The following AP5Z1 variants were observed in gnomAD, a reference collection of about 807,000 sequenced individuals.
AP5Z1 encodes the protein adaptor related protein complex 5 subunit zeta 1, also known as AP-5 complex subunit zeta-1.
AP5Z1 carries 106 observed loss-of-function variants against 83.0 expected under a neutral mutation model. That is an observed-to-expected ratio of 1.28 (90% confidence interval 1.09 to 1.50). The LOEUF (loss-of-function observed/expected upper bound fraction) is 1.50, where lower values mean the gene tolerates loss of function less well. AP5Z1 is among the 40% of genes most tolerant of loss of function. The pLI is 0.00. For synonymous variants in AP5Z1, 751 were observed against 514.1 expected (o/e 1.46, Z -6.23); for missense variants, 1,565 against 1,094.2 (o/e 1.43, Z -6.07).
At position 4,789,896 on chromosome 7, in the gene AP5Z1, A is replaced by G. The variant is rs747261565; in HGVS notation, c.1772A>G (p.Tyr591Cys). 1.7e-5 allele frequency: 26 copies of G among 1,550,258 alleles called. No homozygotes were observed. The South Asian group carries it at 2.9e-4, about 17-fold the overall frequency. ...CTCCTGGGCAGGAGCGACTCGCTCTACCCGGCCCCAGGGTACGCTGCCGGT... is the reference window on the plus strand; with the variant it reads ...CTCCTGGGCAGGAGCGACTCGCTCTGCCCGGCCCCAGGGTACGCTGCCGGT... ...LLLLGRSDSL[Y>C]PAPGYAAGVH... The change falls in exon 14 of 17, where the codon TAC becomes TGC. Residue 591 changes from tyrosine to cysteine, a missense_variant. Physicochemically the swap from Tyr to Cys is radical, Grantham distance 194 (BLOSUM62 -2). Transcript: ENST00000649063.
intron 13 of AP5Z1, 107 bp downstream of exon 13, chr7:4,789,058 G>C: frequency 3.2e-6 from 3 of 951,884 alleles, no homozygotes; most frequent in Admixed American, 4.6e-5. Flanking sequence ...GGCTGCTCCC[G>C]CCACACCCAC....
rs775400806 is a variant in AP5Z1, at chr7:4,791,502, C to T, written c.*117C>T. The T allele has an allele frequency of 7.1e-6, 10 of 1,418,072 alleles. No individual in the cohort carries two copies. Among genetic ancestry groups the T allele is most frequent in the Non-Finnish European group, 9.4e-6 (10 of 1,063,732 alleles). The allele number at this position is 1,418,072 out of a possible 1,614,324, so 87.8% of individuals were successfully genotyped here. ...GGGAGTCCTGGGAGAGGAGGCAAGG[C>T]CCACGGTGGGCTTGGCACCCTCACA... On this transcript the variant is annotated 3_prime_UTR_variant, in exon 17 of 17. Coordinates refer to ENST00000649063, the MANE Select transcript of AP5Z1 (RefSeq NM_014855.3).
chr7:4,785,788 T>C, intron 9 of AP5Z1, 104 bp downstream of exon 9: 1 of 1,327,576 alleles, frequency 7.5e-7, no homozygotes, highest in Non-Finnish European at 9.8e-7. Flanking sequence ...TTTGATTGAA[T>C]AGAGACAGGG....
chr7:4,785,645 C>A lies in AP5Z1; in HGVS notation c.1093C>A (p.Arg365=), dbSNP rs754300113. Residue 365 remains arginine (R), a synonymous_variant, in exon 9 of 17, where the codon CGG becomes AGG. Coordinates refer to ENST00000649063, the MANE Select transcript of AP5Z1 (RefSeq NM_014855.3). ...GGTGCGCGGGGACCCGGCCTCTGTGCGGGTGCTGCTGCCCCTCGCCCACTT... is the reference window on the plus strand; with the variant it reads ...GGTGCGCGGGGACCCGGCCTCTGTGAGGGTGCTGCTGCCCCTCGCCCACTT... ...GRVRGDPASV[R]VLLPLAHFFL... is the part of the protein sequence containing the mutation. The A allele has an allele frequency of 6.4e-7, 1 of 1,559,852 alleles. No individual in the cohort carries two copies. The highest frequency in any genetic ancestry group is 8.7e-7 in the Non-Finnish European group (1 of 1,155,556).
chr7:4,791,453 G>A lies in AP5Z1; in HGVS notation c.*68G>A, dbSNP rs73305393. 3.5e-3 allele frequency: 5,351 copies of A among 1,509,058 alleles called. 166 individuals are homozygous for A. The African/African-American group carries it at 0.065, about 18-fold the overall frequency. The allele number at this position is 1,509,058 out of a possible 1,614,324, so 93.5% of individuals were successfully genotyped here. On this transcript the variant is annotated 3_prime_UTR_variant, in exon 17 of 17. Transcript: ENST00000649063. ...GCAGCCAGCTTGCTACTGAGGCCAG[G>A]CTGATAGGAGCTCAGGAGGGCGCGG...
intron 1 of AP5Z1, 137 bp from the exon 2 acceptor site, chr7:4,781,038 T>G: frequency 1.5e-4 from 174 of 1,131,248 alleles, no homozygotes; most frequent in Non-Finnish European, 2.0e-4. Flanking sequence ...TCGAGAGCCA[T>G]GAGCCGTGGA....
intron 1 of AP5Z1, among the ~76,000 whole-genome samples, chr7:4,779,118 A>C (rs1186864711): frequency 6.9e-6 from 1 of 144,494 alleles, no homozygotes; most frequent in Admixed American, 7.2e-5. Context: ...TACATTTTTG[A>C]GATAGAGCAT....
In AP5Z1 at chr7:4,792,283, C is replaced by G. The variant is rs1436130548; in HGVS notation, c.*898C>G. Reference sequence around the variant, plus strand: ...GCGCCGCCGCCCCGAGAGCCTCACGCCCCGCCCCCAGGCTCAAACTCTTCC... The same window carrying G: ...GCGCCGCCGCCCCGAGAGCCTCACGGCCCGCCCCCAGGCTCAAACTCTTCC... On this transcript the variant is annotated 3_prime_UTR_variant, in exon 17 of 17. Coordinates refer to ENST00000649063, the MANE Select transcript of AP5Z1 (RefSeq NM_014855.3). 1.3e-5 allele frequency: 2 copies of G among 152,032 alleles called. No individual in the cohort carries two copies. The highest frequency in any genetic ancestry group is 2.9e-5 in the Non-Finnish European group (2 of 68,078). The allele number at this position is 152,032 out of a possible 1,614,324, so 9.4% of individuals were successfully genotyped here.
rs752437869 is a variant in AP5Z1 at position 4,791,365 on chromosome 7, G to A, written c.2404G>A (p.Ala802Thr). ...RTVSRLVERE[A>T]GLMPG is the part of the protein sequence containing the mutation. Reference sequence around the variant, plus strand: ...GGTCAGCCGGCTGGTGGAGAGGGAGGCCGGCCTCATGCCAGGGTGAAGGGA... The same window carrying A: ...GGTCAGCCGGCTGGTGGAGAGGGAGACCGGCCTCATGCCAGGGTGAAGGGA... Residue 802 changes from alanine (A) to threonine (T), a missense_variant, in exon 17 of 17, where the codon GCC becomes ACC. Transcript: ENST00000649063. 2.5e-6 allele frequency: 4 copies of A among 1,607,248 alleles called. No individual in the cohort carries two copies. The highest frequency in any genetic ancestry group is 3.4e-6 in the Non-Finnish European group (4 of 1,177,416).
In AP5Z1 at chr7:4,789,877, G is replaced by C. The variant is rs1321096569; in HGVS notation, c.1753G>C (p.Gly585Arg). ...CAACCAGCTGGCGCTGCTGCTCCTGGGCAGGAGCGACTCGCTCTACCCGGC... is the reference window on the plus strand; with the variant it reads ...CAACCAGCTGGCGCTGCTGCTCCTGCGCAGGAGCGACTCGCTCTACCCGGC... ...LINQLALLLL[G>R]RSDSLYPAPG... Residue 585 changes from glycine (G) to arginine (R), a missense_variant, in exon 14 of 17, where the codon GGC becomes CGC. Gly to Arg is a moderately radical substitution (Grantham distance 125). Coordinates refer to ENST00000649063, the MANE Select transcript of AP5Z1 (RefSeq NM_014855.3). 1 of 1,552,886 alleles carries C rather than the reference G, an allele frequency of 6.4e-7. No homozygotes were observed. Among genetic ancestry groups the C allele is most frequent in the Non-Finnish European group, 8.7e-7 (1 of 1,148,474 alleles).
In AP5Z1 at chr7:4,791,093, CGGAG is replaced by C. The variant is rs1781753889; in HGVS notation, c.2154-18_2154-15del. 7 of 1,552,546 alleles carry C rather than the reference CGGAG, an allele frequency of 4.5e-6. No individual in the cohort carries two copies. Among genetic ancestry groups the C allele is most frequent in the Admixed American group, 1.8e-5 (1 of 54,768 alleles). Reference sequence around the variant, plus strand: ...CTGGGAGGGGAGCATCTGCAGCTGACGGAGGGACCTTCTTTCCCCAGGGCCTCTT... The same window carrying C: ...CTGGGAGGGGAGCATCTGCAGCTGACGGACCTTCTTTCCCCAGGGCCTCTT... On this transcript the variant is annotated intron_variant, in intron 16 of 16. Transcript: ENST00000649063.
rs1442980654 is a variant in AP5Z1 at position 4,792,007 on chromosome 7, A to AG, written c.*626dup. 4 of 152,328 alleles carry AG rather than the reference A, an allele frequency of 2.6e-5. No homozygotes were observed. The highest frequency in any genetic ancestry group is 9.7e-5 in the African/African-American group (4 of 41,408). 9.4% of individuals were successfully genotyped at this position (152,328 alleles called of 1,614,324 possible). On this transcript the variant is annotated 3_prime_UTR_variant, in exon 17 of 17. Coordinates refer to ENST00000649063, the MANE Select transcript of AP5Z1 (RefSeq NM_014855.3). The stretch of plus-strand genomic sequence containing the variant: ...ATGCCCTTGAATAGCCTGAAGATGA[A>AG]GGGGACCGGGGGAGGGTTGCAAGCG...
Position 4,788,156 on chromosome 7 carries a change from CAG to C in AP5Z1, c.1458_1459del (p.Ala487ThrfsTer44). 1 of 1,549,552 alleles carries C rather than the reference CAG, an allele frequency of 6.5e-7. No individual in the cohort carries two copies. Among genetic ancestry groups the C allele is most frequent in the Non-Finnish European group, 8.7e-7 (1 of 1,147,190 alleles). ...GCCTTGGGCGTCTGTCCACGCAGGT[CAG>C]CACCGGCTGCATCCGAGAGGCCACT... On this transcript the variant is annotated frameshift_variant, in exon 12 of 17. Transcript: ENST00000649063. LOFTEE classifies it high-confidence loss of function.
Position 4,781,055 on chromosome 7 carries a change from T to A in AP5Z1, c.42-120T>A, listed in dbSNP as rs1781366930. On this transcript the variant is annotated intron_variant, in intron 1 of 16. Transcript: ENST00000649063. ...GAGAGCCATGAGCCGTGGAACCGTG[T>A]TCCTCCACACACTCGGCTTCTCTTT... 2.3e-6 allele frequency: 3 copies of A among 1,310,336 alleles called. No individual in the cohort carries two copies. In the South Asian group the frequency reaches 4.5e-5, roughly 20 times the overall value. The allele number at this position is 1,310,336 out of a possible 1,614,324, so 81.2% of individuals were successfully genotyped here.
chr7:4,792,639 AC>A lies in AP5Z1; in HGVS notation c.*1255del, dbSNP rs1781821221. 6.6e-6 allele frequency: 1 copy of A among 152,142 alleles called. No individual in the cohort carries two copies. The highest frequency in any genetic ancestry group is 1.5e-5 in the Non-Finnish European group (1 of 68,024). 9.4% of individuals were successfully genotyped at this position (152,142 alleles called of 1,614,324 possible). A position where few individuals can be genotyped will look rare whatever the true frequency, so the allele number is the denominator to read the frequency against. On this transcript the variant is annotated 3_prime_UTR_variant, in exon 17 of 17. Transcript: ENST00000649063. The stretch of plus-strand genomic sequence containing the variant: ...CTTGGGTCGCGTTCCGAGCTCCAGG[AC>A]GGCTGGTGTCCCCCGCGGCCTGCGA...
chr7:4,777,737 G>T (rs1781265778), intron 1 of AP5Z1, among the ~76,000 whole-genome samples: 1 of 152,120 alleles, frequency 6.6e-6, no homozygotes, highest in Non-Finnish European at 1.5e-5. Flanking sequence ...TGGCTCGGGT[G>T]GGCAGCCGTT....
At chr7:4,785,180 A>G in intron 7 of AP5Z1, 132 bp downstream of exon 7, 1 of 1,425,172 alleles carries the variant, frequency 7.0e-7, no homozygotes, top group Non-Finnish European at 9.4e-7. Context: ...GGTTTGGAGC[A>G]GGGGCATTTT....
rs1464410449 is a variant in AP5Z1 at position 4,786,428 on chromosome 7, G to T, written c.1311G>T (p.Lys437Asn). The T allele has an allele frequency of 6.2e-7, 1 of 1,613,492 alleles. No homozygotes were observed. Among genetic ancestry groups the T allele is most frequent in the Non-Finnish European group, 8.5e-7 (1 of 1,179,798 alleles). The change falls in exon 10 of 17, where the codon AAG (lysine) becomes AAT (asparagine). Residue 437 changes from lysine (K) to asparagine (N), a missense_variant and splice_region_variant. Physicochemically the swap from Lys to Asn is moderately conservative, Grantham distance 94. Coordinates refer to ENST00000649063, the MANE Select transcript of AP5Z1 (RefSeq NM_014855.3). ...GATTGAGCTTCCCCAACCTCTTTAA[G>T]GTATATTTGGGCATCCCTGGGTGCC... The part of the protein sequence containing the change: ...TLRLSFPNLF[K>N]FLAWNSPPLT...
At chr7:4,787,010 G>A (rs997517368) in intron 10 of AP5Z1, among the ~76,000 whole-genome samples, 1 of 151,782 alleles carries the variant, frequency 6.6e-6, no homozygotes, top group Non-Finnish European at 1.5e-5. Flanking sequence ...GACCTCAGAT[G>A]ATCCTCCTGC....
Sources: allele counts gnomAD v4.1 joint callset (sites outside exome capture counted in the v4.1 genomes callset), GRCh38; gene constraint gnomAD v4.1.1; transcripts MANE v1.5; gene names NCBI Gene and HGNC (gene_info 2026-07-23, HGNC 2026-07-21).